CCDC178: variants seen among roughly 807,000 people sequenced by gnomAD.
The protein encoded by CCDC178 is coiled-coil domain containing 178, also known as coiled-coil domain-containing protein 178.
A neutral mutation model predicts 117.4 loss-of-function variants in CCDC178; 126 were observed. That is an observed-to-expected ratio of 1.07 (90% CI 0.93 to 1.24). The LOEUF is 1.24. Ranked by LOEUF, CCDC178 falls within the 50% of genes most tolerant of loss-of-function variation. The probability of loss-of-function intolerance (pLI) is 0.00; values close to 1 mark genes in which losing one functional copy is unlikely to be tolerated. For synonymous variants in CCDC178, 283 were observed against 313.4 expected, an observed-to-expected ratio of 0.90 and a Z score of 1.02; for missense variants, 1,030 against 986.9, an observed-to-expected ratio of 1.04 and a Z score of -0.59.
At chr18:33,403,836 A>G (rs1231943403) in intron 3 of CCDC178, among the ~76,000 whole-genome samples, 1 of 152,156 alleles carries the variant, frequency 6.6e-6, no homozygotes, top group East Asian at 1.9e-4. Flanking sequence ...CTGGGGAGTC[A>G]GTATTAGAGG....
chr18:33,114,163 G>T (rs969373347), intron 20 of CCDC178, among the ~76,000 whole-genome samples: 1 of 151,984 alleles, frequency 6.6e-6, no homozygotes, highest in Non-Finnish European at 1.5e-5. Flanking sequence ...TGAAGAGGTT[G>T]GTTTACTTTC....
intron 12 of CCDC178, among the ~76,000 whole-genome samples, chr18:33,292,454 A>G (rs776626550): frequency 6.6e-5 from 10 of 152,134 alleles, no homozygotes; most frequent in Non-Finnish European, 1.0e-4. Flanking sequence ...GAGAGGTTGG[A>G]TAAGAGATAA....
At chr18:33,312,799 T>C (rs576075395) in intron 11 of CCDC178, among the ~76,000 whole-genome samples, 8 of 152,314 alleles carry the variant, frequency 5.3e-5, no homozygotes, top group African/African-American at 9.6e-5. Context: ...GTAATGCTTA[T>C]TGGTAATTCC....
Position 33,279,674 on chromosome 18 carries a change from G to T in CCDC178, c.1177-12377C>A, listed in dbSNP as rs1404267290. Among the ~76,000 whole-genome samples, 12 of 152,242 alleles carry T rather than the reference G, an allele frequency of 7.9e-5. 1 individual carries two copies. The South Asian group carries it at 2.3e-3, about 29-fold the overall frequency. On this transcript the variant is annotated intron_variant, in intron 12 of 22. Coordinates refer to ENST00000383096, the MANE Select transcript of CCDC178 (RefSeq NM_001105528.4). ...ATCCTAAGCCAAAAGAACAAAGCTGGAGGCATCATGCTACCTGACTTCAAA... is the reference window on the plus strand; with the variant it reads ...ATCCTAAGCCAAAAGAACAAAGCTGTAGGCATCATGCTACCTGACTTCAAA...
chr18:33,180,978 G>A (rs1301519308), intron 20 of CCDC178, among the ~76,000 whole-genome samples: 6 of 151,994 alleles, frequency 3.9e-5, no homozygotes, highest in Non-Finnish European at 8.8e-5. Flanking sequence ...TCACAATTTG[G>A]TGCATCCTCT....
At chr18:32,980,021 C>T (rs9304115) in intron 21 of CCDC178, among the ~76,000 whole-genome samples, 47,544 of 151,708 alleles carry the variant, frequency 0.31, 9,370 homozygotes, top group Non-Finnish European at 0.43. Flanking sequence ...CCTTAACTCA[C>T]AACATAAGGA....
At chr18:33,116,495 C>T (rs1235433656) in intron 20 of CCDC178, among the ~76,000 whole-genome samples, 2 of 152,096 alleles carry the variant, frequency 1.3e-5, no homozygotes, top group African/African-American at 4.8e-5. Context: ...CTGGCATGGC[C>T]CAGCTGGGTT....
intron 18 of CCDC178, 98 bp downstream of exon 18, chr18:33,223,008 A>G: frequency 1.2e-6 from 1 of 853,400 alleles, no homozygotes; most frequent in Non-Finnish European, 1.8e-6. Context: ...TCAATAAGAA[A>G]TGAGACACAT....
At chr18:33,397,074 C>T (rs2063648129) in intron 4 of CCDC178, 75 bp downstream of exon 4, 3 of 921,306 alleles carry the variant, frequency 3.3e-6, no homozygotes, top group Non-Finnish European at 5.1e-6. Context: ...TATTTTCATG[C>T]TTATAATTTT....
chr18:33,128,681 T>C (rs1163761062), intron 20 of CCDC178, among the ~76,000 whole-genome samples: 2 of 152,152 alleles, frequency 1.3e-5, no homozygotes, highest in Admixed American at 6.6e-5. Context: ...TGTGATTGAA[T>C]TGAAGGTAAT....
chr18:33,168,440 T>TA, intron 20 of CCDC178, among the ~76,000 whole-genome samples: 1 of 152,312 alleles, frequency 6.6e-6, no homozygotes, highest in East Asian at 1.9e-4. Context: ...TCCATTGGTT[T>TA]ATGTGTCTGT....
intron 4 of CCDC178, among the ~76,000 whole-genome samples, chr18:33,396,464 T>A (rs1044281150): frequency 3.9e-5 from 6 of 151,968 alleles, no homozygotes; most frequent in African/African-American, 1.4e-4. Flanking sequence ...TTAGAGAAAC[T>A]CACACAGGAT....
intron 15 of CCDC178, among the ~76,000 whole-genome samples, chr18:33,230,613 G>A (rs1384420750): frequency 6.6e-6 from 1 of 152,118 alleles, no homozygotes; most frequent in Non-Finnish European, 1.5e-5. Context: ...TTAAAAAGAT[G>A]TTATTTTTTA....
At chr18:33,120,081 T>C (rs998246260) in intron 20 of CCDC178, among the ~76,000 whole-genome samples, 37 of 152,012 alleles carry the variant, frequency 2.4e-4, no homozygotes, top group Non-Finnish European at 1.3e-4. Flanking sequence ...ATATACCTAA[T>C]GTAAATGATG....
intron 21 of CCDC178, among the ~76,000 whole-genome samples, chr18:33,011,974 A>T (rs959557350): frequency 6.6e-6 from 1 of 152,000 alleles, no homozygotes; most frequent in Non-Finnish European, 1.5e-5. Context: ...TCCCACTGGG[A>T]AAGGTTCAGA....
intron 20 of CCDC178, among the ~76,000 whole-genome samples, chr18:33,202,533 C>T (rs920404785): frequency 6.6e-6 from 1 of 151,836 alleles, no homozygotes; most frequent in African/African-American, 2.4e-5. Flanking sequence ...GATGGCACCA[C>T]CTCTTACCTT....
chr18:33,188,419 G>T (rs2058820380), intron 20 of CCDC178, among the ~76,000 whole-genome samples: 1 of 152,070 alleles, frequency 6.6e-6, no homozygotes, highest in Non-Finnish European at 1.5e-5. Flanking sequence ...GATTATCCTG[G>T]ATTATCCAAA....
At chr18:33,021,580 T>C (rs1406609804) in intron 21 of CCDC178, among the ~76,000 whole-genome samples, 4 of 152,080 alleles carry the variant, frequency 2.6e-5, no homozygotes, top group Non-Finnish European at 5.9e-5. Context: ...AACTTTTCCC[T>C]TGACTATTGG....
At chr18:33,402,651 T>G (rs2063724419) in intron 3 of CCDC178, among the ~76,000 whole-genome samples, 1 of 152,234 alleles carries the variant, frequency 6.6e-6, no homozygotes, top group African/African-American at 2.4e-5. Flanking sequence ...CTTACATTTC[T>G]GAGATATGAG....
Sources: allele counts gnomAD v4.1 joint callset (sites outside exome capture counted in the v4.1 genomes callset), GRCh38; gene constraint gnomAD v4.1.1; transcripts MANE v1.5; gene names NCBI Gene and HGNC (gene_info 2026-07-23, HGNC 2026-07-21).